The following LMBR1 variants were observed in gnomAD, a reference collection of about 807,000 sequenced individuals.
LMBR1 encodes the protein limb region 1 protein homolog.
A neutral mutation model predicts 73.9 loss-of-function variants in LMBR1; 52 were observed. The ratio of observed to expected loss-of-function variants is 0.70; its 90% CI spans 0.56 to 0.89. The LOEUF is 0.89. Among genes scored for constraint, LMBR1 ranks in the 40% least tolerant of loss-of-function variants. The probability of loss-of-function intolerance (pLI) is 0.00; values close to 1 mark genes in which losing one functional copy is unlikely to be tolerated. For synonymous variants in LMBR1, 215 were observed against 209.4 expected (o/e 1.03, Z -0.23); for missense variants, 539 against 579.8 (o/e 0.93, Z 0.72).
At chr7:156,794,300 T>C (rs1829723517) in intron 5 of LMBR1, among the ~76,000 whole-genome samples, 1 of 152,204 alleles carries the variant, frequency 6.6e-6, no homozygotes, top group Non-Finnish European at 1.5e-5. Context: ...AAAATTTTTT[T>C]AAAATAGAGG....
At chr7:156,721,129 A>G (rs1384369346) in intron 15 of LMBR1, among the ~76,000 whole-genome samples, 3 of 152,146 alleles carry the variant, frequency 2.0e-5, no homozygotes, top group South Asian at 2.1e-4. Flanking sequence ...TTTTACTACC[A>G]TAAGTACATT....
intron 12 of LMBR1, among the ~76,000 whole-genome samples, chr7:156,726,877 C>T (rs10247927): frequency 0.076 from 11,565 of 151,994 alleles, 646 homozygotes; most frequent in East Asian, 0.15. Context: ...ACGAGGACAC[C>T]GAGAAGAATA....
At chr7:156,743,164 A>G (rs1030836047) in intron 9 of LMBR1, among the ~76,000 whole-genome samples, 1 of 152,268 alleles carries the variant, frequency 6.6e-6, no homozygotes, top group South Asian at 2.1e-4. Flanking sequence ...AGCTCACTCT[A>G]CTTCGTCTGG....
At position 156,763,784 on chromosome 7, in the gene LMBR1, G is replaced by A. The variant is rs563054181; in HGVS notation, c.435C>T (p.Ala145=). 269 of 1,590,568 alleles carry A rather than the reference G, an allele frequency of 1.7e-4. 1 individual carries two copies. In the South Asian group the frequency reaches 2.9e-3, roughly 17 times the overall value. The change falls in exon 6 of 17, where the codon GCC becomes GCT. Residue 145 remains alanine, a synonymous_variant. Coordinates refer to ENST00000353442, the MANE Select transcript of LMBR1 (RefSeq NM_022458.4). The part of the protein sequence containing the change: ...GFAGLKKGIR[A]RILETLVMLL... ...GCATGACCAAAGTCTCTAAAATGCG[G>A]GCTCGGATTCCCTGAAAAATAGAGT... is the stretch of plus-strand genomic sequence containing the variant.
chr7:156,693,145 G>A (rs2131951383), intron 15 of LMBR1, among the ~76,000 whole-genome samples: 1 of 152,220 alleles, frequency 6.6e-6, no homozygotes, highest in African/African-American at 2.4e-5. Flanking sequence ...CTTGTGATTA[G>A]AGTCCCTGAA....
At chr7:156,838,267 T>TA (rs1178450619) in intron 1 of LMBR1, among the ~76,000 whole-genome samples, 1 of 152,220 alleles carries the variant, frequency 6.6e-6, no homozygotes, top group Non-Finnish European at 1.5e-5. Context: ...TTTCAAAATA[T>TA]AATACATTGT....
At chr7:156,762,983 AAT>A (rs1390430894) in intron 7 of LMBR1, 123 bp downstream of exon 7, 2 of 576,822 alleles carry the variant, frequency 3.5e-6, no homozygotes, top group Non-Finnish European at 6.2e-6. Flanking sequence ...TTTGAATAAA[AAT>A]AGTTAAGGCG....
At chr7:156,713,321 G>A (rs1812488244) in intron 15 of LMBR1, among the ~76,000 whole-genome samples, 1 of 152,038 alleles carries the variant, frequency 6.6e-6, no homozygotes. Flanking sequence ...AGTGGATATG[G>A]GACATTATAC....
rs1338660509 is a variant in LMBR1, at chr7:156,670,375, C to A, written n.867-1088G>T. On this transcript the variant is annotated intron_variant and non_coding_transcript_variant, in intron 4 of 4. Coordinates refer to the LMBR1 transcript ENST00000430825. This position sits in a 1 kb window ranked among gnomAD's most constrained non-coding sequence, Gnocchi z 4.3. ...CCTGCGTTTTGCATCCCCTGGAAAGCGGGTCCAGGGAAGTGACTTGCCTAA... is the reference window on the plus strand; with the variant it reads ...CCTGCGTTTTGCATCCCCTGGAAAGAGGGTCCAGGGAAGTGACTTGCCTAA... 6.6e-6 allele frequency among the ~76,000 whole-genome samples: 1 copy of A among 152,184 alleles called. No homozygotes were observed.
intron 5 of LMBR1, among the ~76,000 whole-genome samples, chr7:156,789,571 A>T (rs976967502): frequency 7.9e-5 from 12 of 152,206 alleles, no homozygotes; most frequent in African/African-American, 1.9e-4. Flanking sequence ...ATATTGACAA[A>T]CGTTTCATAG....
intron 1 of LMBR1, among the ~76,000 whole-genome samples, chr7:156,882,385 C>CA (rs1161446633): frequency 9.9e-5 from 15 of 152,194 alleles, no homozygotes; most frequent in Non-Finnish European, 1.2e-4. Context: ...GTCAAGGCTG[C>CA]AGTCACCACA....
chr7:156,759,490 T>C (rs536502458), intron 8 of LMBR1, among the ~76,000 whole-genome samples: 1 of 152,326 alleles, frequency 6.6e-6, no homozygotes, highest in African/African-American at 2.4e-5. Flanking sequence ...AGCCATAAAA[T>C]AAGAATACTA....
At chr7:156,789,848 C>T (rs1828881300) in intron 5 of LMBR1, among the ~76,000 whole-genome samples, 1 of 152,072 alleles carries the variant, frequency 6.6e-6, no homozygotes, top group Non-Finnish European at 1.5e-5. Context: ...AGAAAAGATA[C>T]TCTAATTAAC....
intron 15 of LMBR1, among the ~76,000 whole-genome samples, chr7:156,720,692 CAT>C (rs1263033974): frequency 6.6e-6 from 1 of 151,100 alleles, no homozygotes; most frequent in African/African-American, 2.4e-5. Flanking sequence ...AATAATAAGT[CAT>C]ATTATTCATT....
At chr7:156,698,574 C>G (rs185729535) in intron 15 of LMBR1, among the ~76,000 whole-genome samples, 2 of 152,202 alleles carry the variant, frequency 1.3e-5, no homozygotes, top group Admixed American at 6.5e-5. Context: ...CACATAGAAG[C>G]TGCCAAAGCT....
At chr7:156,890,584 G>A (rs1269695189) in intron 1 of LMBR1, among the ~76,000 whole-genome samples, 1 of 152,076 alleles carries the variant, frequency 6.6e-6, no homozygotes, top group African/African-American at 2.4e-5. Context: ...AAACAAACAG[G>A]TGCTCAAATT....
intron 5 of LMBR1, among the ~76,000 whole-genome samples, chr7:156,767,991 A>C (rs186146542): frequency 1.9e-4 from 29 of 152,366 alleles, no homozygotes; most frequent in Admixed American, 5.9e-4. Context: ...TTCATATTGA[A>C]GAAATTTACT....
At chr7:156,793,508 TGA>T (rs1204104093) in intron 5 of LMBR1, among the ~76,000 whole-genome samples, 5 of 152,238 alleles carry the variant, frequency 3.3e-5, no homozygotes, top group Non-Finnish European at 7.3e-5. Flanking sequence ...ATGCTCAAGC[TGA>T]GTTATTCTAC....
rs758723969 is a variant in LMBR1 at position 156,684,074 on chromosome 7, C to A, written c.*4G>T. On this transcript the variant is annotated 3_prime_UTR_variant, in exon 17 of 17. Coordinates refer to ENST00000353442, the MANE Select transcript of LMBR1 (RefSeq NM_022458.4). Reference sequence around the variant, plus strand: ...TTGGTGGCAGAAGACGCCGTCTGTGCGTCTCACAGTGCTTTCTGATGCCCA... The same window carrying A: ...TTGGTGGCAGAAGACGCCGTCTGTGAGTCTCACAGTGCTTTCTGATGCCCA... 8 of 1,610,190 alleles carry A rather than the reference C, an allele frequency of 5.0e-6. No individual in the cohort carries two copies. The highest frequency in any genetic ancestry group is 1.7e-5 in the Admixed American group (1 of 59,932).
Sources: allele counts gnomAD v4.1 joint callset (sites outside exome capture counted in the v4.1 genomes callset), GRCh38; gene constraint gnomAD v4.1.1; non-coding constraint Gnocchi (gnomAD v3.1); transcripts MANE v1.5; gene names NCBI Gene and HGNC (gene_info 2026-07-23, HGNC 2026-07-21).